Variants in RGS6 observed in about 807,000 individuals in gnomAD.
The protein encoded by RGS6 is regulator of G-protein signaling 6.
Under a neutral mutation model 78.5 loss-of-function variants are expected in RGS6, and 30 were observed. The observed-to-expected ratio is 0.38, with a 90% CI of 0.29 to 0.52. The LOEUF (loss-of-function observed/expected upper bound fraction) is 0.52, where lower values mean the gene tolerates loss of function less well. RGS6 is among the 20% of genes least tolerant of loss of function. The probability of loss-of-function intolerance (pLI) is 0.85; values close to 1 mark genes in which losing one functional copy is unlikely to be tolerated. For missense variants in RGS6, 495 were observed against 609.7 expected, an observed-to-expected ratio of 0.81 and a Z score of 1.98; for synonymous variants, 206 against 206.0, an observed-to-expected ratio of 1.00 and a Z score of 0.00.
At chr14:72,297,757 T>C (rs113911943) in intron 2 of RGS6, among the ~76,000 whole-genome samples, 2 of 151,892 alleles carry the variant, frequency 1.3e-5, no homozygotes, top group East Asian at 3.9e-4. Flanking sequence ...TCATTCTCGG[T>C]ATATATTATT....
chr14:72,008,689 A>G (rs74060447), intron 2 of RGS6, among the ~76,000 whole-genome samples: 4,549 of 152,240 alleles, frequency 0.03, 207 homozygotes, highest in African/African-American at 0.099. Context: ...GAGGACATTC[A>G]GGCAGTCTGG....
At chr14:71,880,992 C>T in the RGS6 span, among the ~76,000 whole-genome samples, 7 of 152,320 alleles carry the variant, frequency 4.6e-5, no homozygotes, top group African/African-American at 1.4e-4. Flanking sequence ...GGTGGAGCAG[C>T]CCAAGACTGT....
At chr14:71,886,797 A>T in the RGS6 span, among the ~76,000 whole-genome samples, 2 of 152,192 alleles carry the variant, frequency 1.3e-5, no homozygotes, top group Non-Finnish European at 2.9e-5. Flanking sequence ...TCAGTTAGAG[A>T]TTGCTCTTCC....
rs186743397 is a variant in RGS6, at chr14:72,301,289, C to T, written c.85-50806C>T. Among the ~76,000 whole-genome samples, 13 of 152,224 alleles carry T rather than the reference C, an allele frequency of 8.5e-5. No individual in the cohort carries two copies. In the East Asian group the frequency reaches 1.3e-3, roughly 16 times the overall value. ...GTCATGTACTCAGATTGATGGGTTTCGTAGTGAAGTAAATGTGTGTGCATC... is the reference window on the plus strand; with the variant it reads ...GTCATGTACTCAGATTGATGGGTTTTGTAGTGAAGTAAATGTGTGTGCATC... On this transcript the variant is annotated intron_variant, in intron 2 of 17. Coordinates refer to ENST00000553525, the MANE Select transcript of RGS6 (RefSeq NM_001204424.2).
chr14:72,314,543 T>G (rs942939231), intron 2 of RGS6, among the ~76,000 whole-genome samples: 4 of 149,406 alleles, frequency 2.7e-5, no homozygotes, highest in Admixed American at 2.6e-4. Flanking sequence ...TTTTTCCTGG[T>G]TGGGGGAGAC....
chr14:72,415,614 C>G (rs2093750344), intron 3 of RGS6, among the ~76,000 whole-genome samples: 1 of 152,198 alleles, frequency 6.6e-6, no homozygotes, highest in Admixed American at 6.5e-5. Context: ...CACAAATCAC[C>G]CATCTTCTGC....
At chr14:72,556,985 A>C (rs2097587234) in intron 17 of RGS6, among the ~76,000 whole-genome samples, 1 of 152,206 alleles carries the variant, frequency 6.6e-6, no homozygotes, top group Non-Finnish European at 1.5e-5. Context: ...GAGTTGAGGA[A>C]GGTTGCCAAG....
the RGS6 span, among the ~76,000 whole-genome samples, chr14:71,909,189 T>C: frequency 6.6e-6 from 1 of 152,164 alleles, no homozygotes; most frequent in African/African-American, 2.4e-5. Flanking sequence ...TAAGAAAGGA[T>C]GGCGTGTTCC....
At chr14:72,245,944 G>T (rs949185153) in intron 2 of RGS6, among the ~76,000 whole-genome samples, 2 of 152,222 alleles carry the variant, frequency 1.3e-5, no homozygotes, top group African/African-American at 4.8e-5. Flanking sequence ...TTTTCCTCCA[G>T]GCATAGGGAG....
intron 3 of RGS6, among the ~76,000 whole-genome samples, chr14:72,436,505 C>A (rs1191022309): frequency 1.3e-5 from 2 of 152,180 alleles, no homozygotes; most frequent in South Asian, 2.1e-4. Flanking sequence ...AGCCATACAA[C>A]CTCAATATTA....
chr14:72,396,110 C>G (rs1285113276), intron 3 of RGS6, among the ~76,000 whole-genome samples: 1 of 152,110 alleles, frequency 6.6e-6, no homozygotes, highest in African/African-American at 2.4e-5. Flanking sequence ...ATCGCCACAC[C>G]AACTTCCACA....
chr14:72,174,029 C>T (rs2097067448), intron 2 of RGS6, among the ~76,000 whole-genome samples: 1 of 152,118 alleles, frequency 6.6e-6, no homozygotes, highest in Non-Finnish European at 1.5e-5. Flanking sequence ...GGGCAAGAAG[C>T]TGTATGGTGG....
intron 2 of RGS6, among the ~76,000 whole-genome samples, chr14:72,239,487 G>A (rs1350113006): frequency 6.6e-6 from 1 of 152,182 alleles, no homozygotes; most frequent in African/African-American, 2.4e-5. Flanking sequence ...TTTTTAGAGA[G>A]GCAGTGTGAT....
At chr14:72,611,015 C>T in the RGS6 span, among the ~76,000 whole-genome samples, 32 of 152,234 alleles carry the variant, frequency 2.1e-4, no homozygotes, top group Non-Finnish European at 4.0e-4. Flanking sequence ...GACTCACAGC[C>T]AAGCCTTGTG....
chr14:72,548,346 CGCGTGTGTGTGTGT>C (rs1250330573), intron 17 of RGS6, among the ~76,000 whole-genome samples: 1 of 124,054 alleles, frequency 8.1e-6, no homozygotes, highest in Non-Finnish European at 1.6e-5. Context: ...TGTGTGTGCG[CGCGTGTGTGTGTGT>C]GTGTGTGTGT....
Position 72,540,033 on chromosome 14 carries a change from TC to T in RGS6, c.1369-6del. On this transcript the variant is annotated splice_polypyrimidine_tract_variant and splice_region_variant and intron_variant, in intron 16 of 17. Transcript: ENST00000553525. ...TTTTCTCCCTACCCTTTTTTTTTTT[TC>T]CTAAAGCCAGAAAGTGAGCAAGGTC... 1 of 1,563,494 alleles carries T rather than the reference TC, an allele frequency of 6.4e-7. No homozygotes were observed. Among genetic ancestry groups the T allele is most frequent in the Non-Finnish European group, 8.6e-7 (1 of 1,167,654 alleles).
the RGS6 span, among the ~76,000 whole-genome samples, chr14:72,605,949 A>AGAT: frequency 6.6e-6 from 1 of 152,172 alleles, no homozygotes; most frequent in Non-Finnish European, 1.5e-5. Context: ...TAGAAGACAC[A>AGAT]GATCAAATCG....
chr14:71,907,684 G>A, the RGS6 span, among the ~76,000 whole-genome samples: 1 of 152,050 alleles, frequency 6.6e-6, no homozygotes. Flanking sequence ...GCCGGGGTGG[G>A]AAAGGCAGAT....
At chr14:72,463,610 A>G (rs2153265168) in intron 6 of RGS6, among the ~76,000 whole-genome samples, 1 of 152,356 alleles carries the variant, frequency 6.6e-6, no homozygotes, top group South Asian at 2.1e-4. Flanking sequence ...TGCCTGCATA[A>G]AACCCACAGT....
Sources: gnomAD v4.1 joint callset for allele counts (sites outside exome capture counted in the v4.1 genomes callset) on GRCh38, gnomAD v4.1.1 for gene constraint, MANE v1.5 for transcripts, NCBI Gene and HGNC (gene_info 2026-07-23, HGNC 2026-07-21) for gene names.